SLC24A2: variants seen among roughly 807,000 people sequenced by gnomAD.
SLC24A2 encodes solute carrier family 24 member 2, also known as sodium/potassium/calcium exchanger 2.
Under a neutral mutation model 62.0 loss-of-function variants are expected in SLC24A2, and 36 were observed. The observed-to-expected ratio is 0.58, with a 90% confidence interval of 0.44 to 0.77. The LOEUF is 0.77. Ranked by LOEUF, SLC24A2 falls within the 30% of genes least tolerant of loss-of-function variation. The pLI is 0.00. For synonymous variants in SLC24A2, 358 were observed against 294.0 expected, an observed-to-expected ratio of 1.22 and a Z score of -2.23; for missense variants, 846 against 817.9, an observed-to-expected ratio of 1.03 and a Z score of -0.42.
At chr9:20,290,806 G>A in the SLC24A2 span, among the ~76,000 whole-genome samples, 4 of 152,240 alleles carry the variant, frequency 2.6e-5, no homozygotes, top group Non-Finnish European at 4.4e-5. Flanking sequence ...AAATGGAAGT[G>A]GGGTTCTTCT....
the SLC24A2 span, among the ~76,000 whole-genome samples, chr9:20,137,803 C>G: frequency 6.6e-6 from 1 of 152,140 alleles, no homozygotes; most frequent in Admixed American, 6.6e-5. Context: ...GAATGAAAAA[C>G]AGCCACAGGA....
At chr9:20,263,965 T>C in the SLC24A2 span, among the ~76,000 whole-genome samples, 1 of 150,614 alleles carries the variant, frequency 6.6e-6, no homozygotes, top group African/African-American at 2.4e-5. Context: ...GTTTGGATGG[T>C]TTCCTTTCTT....
At chr9:20,207,648 T>A in the SLC24A2 span, among the ~76,000 whole-genome samples, 4 of 152,222 alleles carry the variant, frequency 2.6e-5, no homozygotes, top group Non-Finnish European at 5.9e-5. Flanking sequence ...TGACACTTAA[T>A]GGGTGCTTTA....
chr9:20,131,453 A>T, the SLC24A2 span, among the ~76,000 whole-genome samples: 3 of 152,110 alleles, frequency 2.0e-5, no homozygotes, highest in Admixed American at 2.0e-4. Context: ...ACTCCTTCAC[A>T]CTTCAGATTC....
At chr9:19,794,856 G>A in the SLC24A2 span, among the ~76,000 whole-genome samples, 1 of 152,022 alleles carries the variant, frequency 6.6e-6, no homozygotes, top group East Asian at 1.9e-4. Flanking sequence ...CAAGCAAGGA[G>A]CATTGCTCTT....
chr9:19,838,455 C>CCA, the SLC24A2 span, among the ~76,000 whole-genome samples: 79,896 of 144,526 alleles, frequency 0.55, 23,025 homozygotes, highest in South Asian at 0.65. Flanking sequence ...AGACCTAAAA[C>CCA]CACACACACA....
the SLC24A2 span, among the ~76,000 whole-genome samples, chr9:19,858,638 C>T: frequency 6.6e-6 from 1 of 151,996 alleles, no homozygotes; most frequent in Non-Finnish European, 1.5e-5. Flanking sequence ...ATTTAAGGAA[C>T]TTAAATGAAT....
At chr9:19,806,290 C>T in the SLC24A2 span, among the ~76,000 whole-genome samples, 1 of 152,052 alleles carries the variant, frequency 6.6e-6, no homozygotes, top group Admixed American at 6.6e-5. Flanking sequence ...AATGTGTGAT[C>T]TTGAGTATAT....
chr9:19,613,685 C>A (rs1363377644), intron 4 of SLC24A2, among the ~76,000 whole-genome samples: 1 of 152,078 alleles, frequency 6.6e-6, no homozygotes, highest in Non-Finnish European at 1.5e-5. Flanking sequence ...ATAATAAAAT[C>A]CATCCCTGGT....
the SLC24A2 span, among the ~76,000 whole-genome samples, chr9:20,242,019 C>T: frequency 6.6e-6 from 1 of 152,158 alleles, no homozygotes; most frequent in African/African-American, 2.4e-5. Flanking sequence ...CCTCATTCAC[C>T]GAAAGCATCT....
the SLC24A2 span, among the ~76,000 whole-genome samples, chr9:20,202,938 T>C: frequency 6.6e-6 from 1 of 152,206 alleles, no homozygotes; most frequent in Non-Finnish European, 1.5e-5. Flanking sequence ...ATGTGTTAAA[T>C]ACTAAATTTT....
At chr9:19,627,591 C>A (rs957749189) in intron 2 of SLC24A2, among the ~76,000 whole-genome samples, 2 of 152,110 alleles carry the variant, frequency 1.3e-5, no homozygotes, top group African/African-American at 4.8e-5. Flanking sequence ...AGTGGTGCGA[C>A]CATAGCTCCC....
intron 2 of SLC24A2, among the ~76,000 whole-genome samples, chr9:19,651,803 G>C (rs941379087): frequency 1.3e-5 from 2 of 152,178 alleles, no homozygotes; most frequent in Admixed American, 1.3e-4. Flanking sequence ...GACAGTGCCT[G>C]CATTAGCAGC....
In SLC24A2 at chr9:19,756,903, C is replaced by CTTTT. The variant is rs780450451; in HGVS notation, c.930+29030_930+29033dup. ...GATATTCACACTTCTTTTACTGAAG[C>CTTTT]TTTTTTTTTTTTTTTTTTTTTTTAG... On this transcript the variant is annotated intron_variant, in intron 2 of 10. Coordinates refer to ENST00000341998, the MANE Select transcript of SLC24A2 (RefSeq NM_020344.4). Among the ~76,000 whole-genome samples the CTTTT allele has an allele frequency of 6.0e-3, 473 of 78,522 alleles. 85 individuals carry two copies. The highest frequency in any genetic ancestry group is 0.021 in the African/African-American group (422 of 20,466). The allele number at this position is 78,522 out of a possible 152,430, so 51.5% of individuals were successfully genotyped here. A position where few individuals can be genotyped will look rare whatever the true frequency, so the allele number is the denominator to read the frequency against.
the SLC24A2 span, chr9:19,928,347 G>A: frequency 6.6e-6 from 1 of 152,266 alleles, no homozygotes; most frequent in African/African-American, 2.4e-5. Context: ...CTGAAATGAT[G>A]TATACAGCTA....
chr9:19,756,757 C>T (rs574243155), intron 2 of SLC24A2, among the ~76,000 whole-genome samples: 20 of 152,192 alleles, frequency 1.3e-4, no homozygotes, highest in Non-Finnish European at 2.5e-4. Context: ...TGACTTAAGT[C>T]TGTTCACTTC....
the SLC24A2 span, among the ~76,000 whole-genome samples, chr9:19,998,403 C>A: frequency 6.6e-6 from 1 of 152,200 alleles, no homozygotes; most frequent in African/African-American, 2.4e-5. Context: ...CACCTCTACC[C>A]TCTGTGAGCC....
the SLC24A2 span, among the ~76,000 whole-genome samples, chr9:20,167,193 C>A: frequency 2.0e-5 from 3 of 151,974 alleles, no homozygotes; most frequent in East Asian, 3.9e-4. Flanking sequence ...AACTTTTGAA[C>A]AAAAGACTTT....
chr9:19,882,857 G>A, the SLC24A2 span, among the ~76,000 whole-genome samples: 2 of 152,100 alleles, frequency 1.3e-5, no homozygotes, highest in Admixed American at 1.3e-4. Context: ...GCCCTGCTGG[G>A]TGAAAAGGCT....
Sources: allele counts gnomAD v4.1 joint callset (sites outside exome capture counted in the v4.1 genomes callset), GRCh38; gene constraint gnomAD v4.1.1; transcripts MANE v1.5; gene names NCBI Gene and HGNC (gene_info 2026-07-23, HGNC 2026-07-21).